BRD1: variants seen among roughly 807,000 people sequenced by gnomAD.
BRD1 encodes bromodomain-containing protein 1.
Under a neutral mutation model 107.7 loss-of-function variants are expected in BRD1, and 24 were observed. That is an observed-to-expected ratio of 0.22 (90% CI 0.16 to 0.31). The LOEUF is 0.31. Among genes scored for constraint, BRD1 ranks in the 10% least tolerant of loss-of-function variants. The pLI is 1.00. For missense variants in BRD1, 1,279 were observed against 1,638.6 expected (o/e 0.78, Z 3.79); for synonymous variants, 744 against 686.1 (o/e 1.08, Z -1.32).
chr22:49,781,005 G>T (rs913946535), intron 8 of BRD1, among the ~76,000 whole-genome samples: 2 of 151,840 alleles, frequency 1.3e-5, no homozygotes, highest in Admixed American at 1.3e-4. Context: ...TCAGCACGAG[G>T]TTTTTTTTTA....
rs2060125826 is a variant in BRD1 at position 49,824,547 on chromosome 22, G to C, written c.-14-216C>G. Reference sequence around the variant, plus strand: ...GGGAGCAGCAGTAACAGGCAGAGAGGCAGCCTGAGGAGCCCTCCTGAGCAC... The same window carrying C: ...GGGAGCAGCAGTAACAGGCAGAGAGCCAGCCTGAGGAGCCCTCCTGAGCAC... On this transcript the variant is annotated intron_variant, in intron 1 of 12. Coordinates refer to ENST00000404760, the MANE Select transcript of BRD1 (RefSeq NM_001304808.3). This position sits in a 1 kb window ranked among gnomAD's most constrained non-coding sequence, Gnocchi z 5.9. The C allele has an allele frequency of 7.2e-7, 1 of 1,380,328 alleles. No individual in the cohort carries two copies. The highest frequency in any genetic ancestry group is 9.4e-7 in the Non-Finnish European group (1 of 1,067,332). 85.5% of individuals were successfully genotyped at this position (1,380,328 alleles called of 1,614,324 possible).
At chr22:49,813,075 A>G (rs1223743344) in intron 2 of BRD1, among the ~76,000 whole-genome samples, 1 of 152,166 alleles carries the variant, frequency 6.6e-6, no homozygotes, top group African/African-American at 2.4e-5. Context: ...CACACCAAAC[A>G]GCAATTCCAG....
At chr22:49,810,902 T>C (rs938916269) in intron 2 of BRD1, among the ~76,000 whole-genome samples, 2 of 152,118 alleles carry the variant, frequency 1.3e-5, no homozygotes, top group African/African-American at 2.4e-5. Flanking sequence ...TCCTAGAATA[T>C]ACCCAAGAGA....
At chr22:49,821,658 A>G (rs2060068823) in intron 2 of BRD1, among the ~76,000 whole-genome samples, 1 of 151,884 alleles carries the variant, frequency 6.6e-6, no homozygotes, top group Non-Finnish European at 1.5e-5. Context: ...GCTGCGGTAC[A>G]GTAGCACAAT....
chr22:49,782,161 C>T (rs889068767), intron 8 of BRD1, among the ~76,000 whole-genome samples: 5 of 145,314 alleles, frequency 3.4e-5, no homozygotes, highest in African/African-American at 1.3e-4. Flanking sequence ...CTTGCTGGGA[C>T]CTGCTCCGTG....
intron 3 of BRD1, 134 bp downstream of exon 3, chr22:49,804,070 G>T: frequency 1.4e-6 from 1 of 707,198 alleles, no homozygotes; most frequent in Non-Finnish European, 2.1e-6. Flanking sequence ...TCCAGGGCTG[G>T]ACGAGACGGA....
intron 6 of BRD1, among the ~76,000 whole-genome samples, chr22:49,794,651 G>C (rs906745009): frequency 6.6e-6 from 1 of 152,260 alleles, no homozygotes; most frequent in Non-Finnish European, 1.5e-5. Flanking sequence ...AGACCCCAGA[G>C]AGAGGCGCAC....
chr22:49,789,257 C>T (rs984782961), intron 7 of BRD1, among the ~76,000 whole-genome samples: 3 of 152,298 alleles, frequency 2.0e-5, no homozygotes, highest in Non-Finnish European at 4.4e-5. Flanking sequence ...TGTTCAATGT[C>T]GCCAACAGGC....
At position 49,798,731 on chromosome 22, in the gene BRD1, C is replaced by T. The variant is rs769463704; in HGVS notation, c.1657-45G>A. The T allele has an allele frequency of 4.6e-5, 69 of 1,516,428 alleles. No homozygotes were observed. In the South Asian group the frequency reaches 6.1e-4, roughly 14 times the overall value. The allele number at this position is 1,516,428 out of a possible 1,614,324, so 93.9% of individuals were successfully genotyped here. On this transcript the variant is annotated intron_variant, in intron 4 of 12. Coordinates refer to ENST00000404760, the MANE Select transcript of BRD1 (RefSeq NM_001304808.3). ...CCTCAGCTTTAGGGAGCCGCACATGCGTCTCAGCCCCACCACGCGCCCCAC... is the reference window on the plus strand; with the variant it reads ...CCTCAGCTTTAGGGAGCCGCACATGTGTCTCAGCCCCACCACGCGCCCCAC...
chr22:49,799,186 A>T (rs762879664), intron 3 of BRD1, 67 bp from the exon 4 acceptor site: 2 of 1,564,126 alleles, frequency 1.3e-6, no homozygotes, highest in Non-Finnish European at 1.7e-6. Flanking sequence ...CTCAGATACC[A>T]TGCAGGTGAG....
At chr22:49,818,738 T>G (rs994927492) in intron 2 of BRD1, among the ~76,000 whole-genome samples, 1 of 150,462 alleles carries the variant, frequency 6.6e-6, no homozygotes, top group Non-Finnish European at 1.5e-5. Context: ...ATACAAAAAA[T>G]TAGCAGGTGT....
At chr22:49,802,948 G>T (rs566064615) in intron 3 of BRD1, among the ~76,000 whole-genome samples, 8 of 152,364 alleles carry the variant, frequency 5.3e-5, no homozygotes, top group African/African-American at 1.9e-4. Flanking sequence ...CTTGGAGAGG[G>T]GCTGGCTCAC....
intron 8 of BRD1, among the ~76,000 whole-genome samples, chr22:49,780,040 G>A (rs531450964): frequency 5.3e-5 from 8 of 152,206 alleles, no homozygotes; most frequent in Non-Finnish European, 1.2e-4. Flanking sequence ...GGGCCTGGGT[G>A]GGGAGGCTTT....
At position 49,799,065 on chromosome 22, in the gene BRD1, G is replaced by T; in HGVS notation, c.1579C>A (p.Arg527=). 6.2e-7 allele frequency: 1 copy of T among 1,610,900 alleles called. No homozygotes were observed. The change falls in exon 4 of 13, where the codon CGG becomes AGG. Residue 527 remains arginine (R), a synonymous_variant. Transcript: ENST00000404760. ...AAKEKLKYWQ[R]LRHDLERARL... The stretch of plus-strand genomic sequence containing the variant: ...GCGCGCTCCAGGTCGTGCCGCAGCC[G>T]CTGCCAGTACTTCAGCTTCTCTTTG...
chr22:49,826,134 AAC>A, intron 1 of BRD1: 1 of 979,548 alleles, frequency 1.0e-6, no homozygotes, highest in Non-Finnish European at 1.2e-6. Flanking sequence ...GGGCAGAAGC[AAC>A]AGTTGGTTAC....
rs373418749 is a variant in BRD1 at position 49,790,157 on chromosome 22, C to G, written c.2360-2270G>C. Reference sequence around the variant, plus strand: ...CTGGGTGCTCAGCCACCTGCCCAGCCGGGACCACACAGGCCCCTCCCCCAG... The same window carrying G: ...CTGGGTGCTCAGCCACCTGCCCAGCGGGGACCACACAGGCCCCTCCCCCAG... On this transcript the variant is annotated intron_variant, in intron 7 of 12. Coordinates refer to ENST00000404760, the MANE Select transcript of BRD1 (RefSeq NM_001304808.3). Among the ~76,000 whole-genome samples, 5 of 152,278 alleles carry G rather than the reference C, an allele frequency of 3.3e-5. No homozygotes were observed. In the Middle Eastern group the frequency reaches 0.014, roughly 414 times the overall value.
chr22:49,777,586 G>A (rs2146931579), intron 9 of BRD1, 92 bp downstream of exon 9: 8 of 1,510,810 alleles, frequency 5.3e-6, no homozygotes, highest in East Asian at 4.8e-5. Flanking sequence ...ACACTAAGAT[G>A]GGAGCTGGAA....
At chr22:49,804,087 C>A in intron 3 of BRD1, 117 bp downstream of exon 3, 1 of 895,590 alleles carries the variant, frequency 1.1e-6, no homozygotes, top group Admixed American at 3.6e-5. Flanking sequence ...CGGAGGCTTC[C>A]CAACGGGGAG....
chr22:49,808,899 A>G (rs1368469325), intron 2 of BRD1, among the ~76,000 whole-genome samples: 2 of 152,124 alleles, frequency 1.3e-5, no homozygotes, highest in Non-Finnish European at 2.9e-5. Context: ...CAGGCAGATC[A>G]TGAGGTCAGG....
Sources: allele counts gnomAD v4.1 joint callset (sites outside exome capture counted in the v4.1 genomes callset), GRCh38; gene constraint gnomAD v4.1.1; non-coding constraint Gnocchi (gnomAD v3.1); transcripts MANE v1.5; gene names NCBI Gene and HGNC (gene_info 2026-07-23, HGNC 2026-07-21).